Variants in SDK2 observed in about 807,000 individuals in gnomAD.
SDK2 encodes sidekick cell adhesion molecule 2.
Under a neutral mutation model 253.9 loss-of-function variants are expected in SDK2, and 105 were observed. That is an observed-to-expected ratio of 0.41 (90% CI 0.35 to 0.49). SDK2 has a LOEUF of 0.49. SDK2 is among the 20% of genes least tolerant of loss of function. The pLI is 0.06. For synonymous variants in SDK2, 1,249 were observed against 1,234.9 expected (o/e 1.01, Z -0.24); for missense variants, 2,608 against 3,003.0 (o/e 0.87, Z 3.07).
At chr17:73,417,246 A>C (rs1785219216) in intron 16 of SDK2, among the ~76,000 whole-genome samples, 1 of 150,746 alleles carries the variant, frequency 6.6e-6, no homozygotes, top group Non-Finnish European at 1.5e-5. Context: ...TCTACTAAAA[A>C]AAAAAAAAAA....
chr17:73,446,151 G>A (rs772350314), intron 5 of SDK2, among the ~76,000 whole-genome samples: 7 of 152,168 alleles, frequency 4.6e-5, no homozygotes, highest in Non-Finnish European at 7.3e-5. Flanking sequence ...AACCACTCCT[G>A]TGTCTTTGAC....
At chr17:73,503,301 T>A (rs8082324) in intron 2 of SDK2, among the ~76,000 whole-genome samples, 91,600 of 151,924 alleles carry the variant, frequency 0.6, 28,075 homozygotes, top group Non-Finnish European at 0.66. Context: ...CTTTTTAGAT[T>A]GCAGTATTGT....
At chr17:73,487,918 T>C (rs951805344) in intron 2 of SDK2, among the ~76,000 whole-genome samples, 1 of 152,140 alleles carries the variant, frequency 6.6e-6, no homozygotes, top group Non-Finnish European at 1.5e-5. Context: ...TTTACTCTGG[T>C]CCCAGCTCTG....
intron 40 of SDK2, chr17:73,357,808 G>A (rs1486586958): frequency 4.4e-5 from 25 of 562,006 alleles, no homozygotes; most frequent in Non-Finnish European, 3.5e-5. Flanking sequence ...TCAGGCTTCC[G>A]GCTTCCTGAG....
rs370273790 is a variant in SDK2, at chr17:73,419,214, G to A, written c.2138C>T (p.Pro713Leu). Reference sequence around the variant, plus strand: ...TCCATTCTGGTGGCTCTCAGGAGGCGGCTGCCACTGGATCATGATGGACTG... The same window carrying A: ...TCCATTCTGGTGGCTCTCAGGAGGCAGCTGCCACTGGATCATGATGGACTG... ...TNQSIMIQWQ[P>L]PPESHQNGIL... The change falls in exon 16 of 45, where the codon CCG becomes CTG. Residue 713 changes from proline (P) to leucine (L), a missense_variant. Around this residue, in one of 2 missense-constraint regions of SDK2, gnomAD observed 1,505 missense variants for 1,859.1 expected, o/e 0.81. Transcript: ENST00000392650. 16 of 1,612,048 alleles carry A rather than the reference G, an allele frequency of 9.9e-6. No individual in the cohort carries two copies. Among genetic ancestry groups the A allele is most frequent in the East Asian group, 2.2e-5 (1 of 44,880 alleles).
At chr17:73,548,276 G>T (rs1411976718) in intron 1 of SDK2, among the ~76,000 whole-genome samples, 1 of 152,228 alleles carries the variant, frequency 6.6e-6, no homozygotes, top group African/African-American at 2.4e-5. Context: ...CCTTTCTGCT[G>T]CCCTGCAGCT....
intron 4 of SDK2, among the ~76,000 whole-genome samples, chr17:73,451,643 G>T (rs1046992717): frequency 1.3e-5 from 2 of 152,192 alleles, no homozygotes; most frequent in African/African-American, 4.8e-5. Flanking sequence ...CCCAGGGCCT[G>T]AGTTCAAGTC....
intron 1 of SDK2, among the ~76,000 whole-genome samples, chr17:73,610,840 C>CGTGTGT (rs143396100): frequency 6.7e-6 from 1 of 148,780 alleles, no homozygotes; most frequent in African/African-American, 2.5e-5. Context: ...TGTGCGTGTG[C>CGTGTGT]GTGTGTGTGT....
At position 73,570,905 on chromosome 17, in the gene SDK2, C is replaced by T. The variant is rs1185965212; in HGVS notation, c.65-63308G>A. Among the ~76,000 whole-genome samples, 1 of 152,126 alleles carries T rather than the reference C, an allele frequency of 6.6e-6. No individual in the cohort carries two copies. Among genetic ancestry groups the T allele is most frequent in the East Asian group, 1.9e-4 (1 of 5,180 alleles). On this transcript the variant is annotated intron_variant, in intron 1 of 44. Coordinates refer to ENST00000392650, the MANE Select transcript of SDK2 (RefSeq NM_001144952.2). The surrounding 1 kb of genome is among the most constrained non-coding windows in gnomAD (Gnocchi z 4.2). ...GTGCCCCCTTTAGGGTCTCTGCTCC[C>T]CTATTCCTCCTCAGCCCACAGCCTG...
At position 73,415,899 on chromosome 17, in the gene SDK2, C is replaced by T. The variant is rs761138663; in HGVS notation, c.2280G>A (p.Trp760Ter). The change falls in exon 17 of 45, where the codon TGG becomes TGA. Residue 760 changes from tryptophan to a stop codon, truncating the protein, a stop_gained. Transcript: ENST00000392650. LOFTEE classifies it high-confidence loss of function. ...CAGCCACCTCGATCTCGTAGTTGGT[C>T]CAAATGATGAGATCCTCCAGCAGCA... ...NNLLLEDLII[W>*]TNYEIEVAAY... 6.2e-7 allele frequency: 1 copy of T among 1,604,376 alleles called. No homozygotes were observed. Among genetic ancestry groups the T allele is most frequent in the Non-Finnish European group, 8.5e-7 (1 of 1,175,610 alleles).
chr17:73,367,875 T>G (rs2062699100), intron 37 of SDK2, among the ~76,000 whole-genome samples: 1 of 152,090 alleles, frequency 6.6e-6, no homozygotes, highest in South Asian at 2.1e-4. Context: ...TCCAGAGCCA[T>G]CCACCCACTC....
intron 1 of SDK2, among the ~76,000 whole-genome samples, chr17:73,545,099 G>GTACACACACACACACACACA (rs1555601160): frequency 6.9e-6 from 1 of 145,716 alleles, no homozygotes; most frequent in Non-Finnish European, 1.5e-5. Context: ...GCACGTGCAC[G>GTACACACACACACACACACA]CACACACACA....
chr17:73,585,928 C>A (rs1443857761), intron 1 of SDK2, among the ~76,000 whole-genome samples: 2 of 152,166 alleles, frequency 1.3e-5, no homozygotes, highest in Non-Finnish European at 2.9e-5. Context: ...GCACACCAAG[C>A]GCATCCATAC....
rs111912959 is a variant in SDK2, at chr17:73,612,453, G to A, written c.64+31572C>T. On this transcript the variant is annotated intron_variant, in intron 1 of 44. Coordinates refer to ENST00000392650, the MANE Select transcript of SDK2 (RefSeq NM_001144952.2). The surrounding 1 kb of genome is among the most constrained non-coding windows in gnomAD (Gnocchi z 4.4). ...TCCCAAGGTCCCCTACCCTCACTGGGTCCTTGTGGCCCTGCCGGGGTGAGG... is the reference window on the plus strand; with the variant it reads ...TCCCAAGGTCCCCTACCCTCACTGGATCCTTGTGGCCCTGCCGGGGTGAGG... 7.4e-3 allele frequency among the ~76,000 whole-genome samples: 1,128 copies of A among 152,324 alleles called. 6 individuals are homozygous for A. The highest frequency in any genetic ancestry group is 0.037 in the South Asian group (178 of 4,822).
chr17:73,389,681 C>T (rs2062910752), intron 29 of SDK2, among the ~76,000 whole-genome samples: 1 of 152,196 alleles, frequency 6.6e-6, no homozygotes, highest in South Asian at 2.1e-4. Flanking sequence ...TGATCCTGCG[C>T]CCATCTGTGT....
At chr17:73,411,687 G>C (rs1166850617) in intron 18 of SDK2, among the ~76,000 whole-genome samples, 1 of 152,100 alleles carries the variant, frequency 6.6e-6, no homozygotes, top group Non-Finnish European at 1.5e-5. Flanking sequence ...ACCGGGCCTG[G>C]GCTCTGAGGT....
chr17:73,509,210 A>G (rs998013190), intron 1 of SDK2, among the ~76,000 whole-genome samples: 22 of 152,136 alleles, frequency 1.4e-4, no homozygotes, highest in African/African-American at 4.1e-4. Flanking sequence ...CTGAGTCTCT[A>G]TTTCTCTATC....
At chr17:73,434,967 G>A (rs1430569283) in intron 9 of SDK2, among the ~76,000 whole-genome samples, 2 of 152,146 alleles carry the variant, frequency 1.3e-5, no homozygotes, top group Non-Finnish European at 2.9e-5. Flanking sequence ...ACAGCTCTGG[G>A]AAGCGGCCAG....
intron 1 of SDK2, among the ~76,000 whole-genome samples, chr17:73,602,494 A>G (rs2045854674): frequency 6.6e-6 from 1 of 150,674 alleles, no homozygotes; most frequent in South Asian, 2.1e-4. Context: ...AAATGAATAC[A>G]TGGATGGAAG....
Sources: allele counts gnomAD v4.1 joint callset (sites outside exome capture counted in the v4.1 genomes callset), GRCh38; gene constraint gnomAD v4.1.1; regional missense constraint gnomAD v4.1.1; non-coding constraint Gnocchi (gnomAD v3.1); transcripts MANE v1.5; gene names NCBI Gene and HGNC (gene_info 2026-07-23, HGNC 2026-07-21).